ENPP1: variants seen among roughly 807,000 people sequenced by gnomAD.
ENPP1 encodes ectonucleotide pyrophosphatase/phosphodiesterase 1, also known as ectonucleotide pyrophosphatase/phosphodiesterase family member 1.
Under a neutral mutation model 122.8 loss-of-function variants are expected in ENPP1, and 73 were observed. That is an observed-to-expected ratio of 0.59 (90% confidence interval 0.49 to 0.72). The LOEUF (loss-of-function observed/expected upper bound fraction) is 0.72. Among genes scored for constraint, ENPP1 ranks in the 30% least tolerant of loss-of-function variants. ENPP1 has a pLI of 0.00. For synonymous variants in ENPP1, 367 were observed against 391.6 expected (o/e 0.94, Z 0.74); for missense variants, 978 against 1,128.1 (o/e 0.87, Z 1.91).
intron 1 of ENPP1, among the ~76,000 whole-genome samples, chr6:131,836,495 T>C (rs1271709641): frequency 6.6e-6 from 1 of 152,144 alleles, no homozygotes; most frequent in Non-Finnish European, 1.5e-5. Flanking sequence ...AAAATCTTAT[T>C]GTTCTCTTTA....
At chr6:131,878,010 A>G (rs886739155) in intron 18 of ENPP1, among the ~76,000 whole-genome samples, 2 of 150,750 alleles carry the variant, frequency 1.3e-5, no homozygotes, top group African/African-American at 4.9e-5. Flanking sequence ...CAGCAATCAT[A>G]TTCTTATTTT....
At position 131,869,340 on chromosome 6, in the gene ENPP1, ATT is replaced by A. The variant is rs149287352; in HGVS notation, c.1274-9_1274-8del. 16 of 1,540,640 alleles carry A rather than the reference ATT, an allele frequency of 1.0e-5. No individual in the cohort carries two copies. Among genetic ancestry groups the A allele is most frequent in the Non-Finnish European group, 8.9e-6 (10 of 1,123,810 alleles). ...TGTTAAAGTTACAGCATGTTTTGGG[ATT>A]TTTTTTTTCTCCTAGGCATGGAACA... On this transcript the variant is annotated splice_polypyrimidine_tract_variant and intron_variant, in intron 12 of 24. Transcript: ENST00000647893.
chr6:131,818,174 A>G (rs1213636510), intron 1 of ENPP1, among the ~76,000 whole-genome samples: 1 of 151,970 alleles, frequency 6.6e-6, no homozygotes, highest in Non-Finnish European at 1.5e-5. Context: ...TTAAGACATT[A>G]TTTGCCCTTT....
Position 131,851,208 on chromosome 6 carries a change from G to T in ENPP1, c.497G>T (p.Cys166Phe). Residue 166 changes from cysteine to phenylalanine, a missense_variant, in exon 4 of 25, where the codon TGT becomes TTT. Physicochemically the swap from Cys to Phe is radical, Grantham distance 205. Around this residue, in one of 3 missense-constraint regions of ENPP1, gnomAD observed 330 missense variants for 328.5 expected, o/e 1.00. Transcript: ENST00000647893. ...EKRLTRSLCA[C>F]SDDCKDKGDC... is the part of the protein sequence containing the mutation. Reference sequence around the variant, plus strand: ...AGGTTGACCAGAAGCCTCTGTGCCTGTTCAGATGACTGCAAGGACAAGGGC... The same window carrying T: ...AGGTTGACCAGAAGCCTCTGTGCCTTTTCAGATGACTGCAAGGACAAGGGC... 6.2e-7 allele frequency: 1 copy of T among 1,614,096 alleles called. No homozygotes were observed. Among genetic ancestry groups the T allele is most frequent in the Non-Finnish European group, 8.5e-7 (1 of 1,179,962 alleles).
intron 1 of ENPP1, among the ~76,000 whole-genome samples, chr6:131,821,113 A>C (rs1177452035): frequency 2.6e-5 from 4 of 152,194 alleles, no homozygotes; most frequent in Admixed American, 6.5e-5. Context: ...CTGACATATC[A>C]GCATTATCCT....
At chr6:131,845,062 T>G (rs960013465) in intron 1 of ENPP1, among the ~76,000 whole-genome samples, 2 of 140,292 alleles carry the variant, frequency 1.4e-5, no homozygotes, top group South Asian at 2.4e-4. Flanking sequence ...TTTTTTTTTT[T>G]TTTTTTTTTT....
At chr6:131,878,058 CTT>C (rs1782258037) in intron 18 of ENPP1, among the ~76,000 whole-genome samples, 1 of 151,314 alleles carries the variant, frequency 6.6e-6, no homozygotes, top group African/African-American at 2.4e-5. Flanking sequence ...ACAATTTTGT[CTT>C]TTGCAACTGT....
chr6:131,818,141 G>T lies in ENPP1; in HGVS notation c.240+9866G>T, dbSNP rs963018074. Among the ~76,000 whole-genome samples the T allele has an allele frequency of 2.0e-5, 3 of 152,194 alleles. No homozygotes were observed. In the East Asian group the frequency reaches 5.8e-4, roughly 29 times the overall value. ...ATGCTCTCTTATGGTTAGAGAGAGAGAATTGAAAAGAAACTCAGTAGATTA... is the reference window on the plus strand; with the variant it reads ...ATGCTCTCTTATGGTTAGAGAGAGATAATTGAAAAGAAACTCAGTAGATTA... On this transcript the variant is annotated intron_variant, in intron 1 of 24. Transcript: ENST00000647893.
intron 12 of ENPP1, among the ~76,000 whole-genome samples, chr6:131,868,842 G>C (rs994325135): frequency 5.3e-5 from 8 of 152,190 alleles, no homozygotes; most frequent in Non-Finnish European, 1.2e-4. Context: ...ACACGCTTGT[G>C]TACAGTTTGG....
At chr6:131,826,720 C>A (rs1326216223) in intron 1 of ENPP1, 2 of 535,212 alleles carry the variant, frequency 3.7e-6, no homozygotes, top group South Asian at 2.0e-5. Context: ...GGCAAGAGGT[C>A]TGCAATGACT....
intron 2 of ENPP1, among the ~76,000 whole-genome samples, chr6:131,848,820 G>T (rs1168166401): frequency 6.6e-6 from 1 of 152,056 alleles, no homozygotes; most frequent in Non-Finnish European, 1.5e-5. Context: ...TATTCCAATA[G>T]ACTTCCCTGA....
Position 131,811,374 on chromosome 6 carries a change from C to A in ENPP1, c.240+3099C>A, listed in dbSNP as rs5880083. 1.4e-3 allele frequency among the ~76,000 whole-genome samples: 124 copies of A among 86,966 alleles called. 1 individual carries two copies. Among genetic ancestry groups the A allele is most frequent in the Middle Eastern group, 0.014 (2 of 140 alleles). 57.1% of individuals were successfully genotyped at this position (86,966 alleles called of 152,430 possible). ...AAAAAACATATATCTATATCTATAT[C>A]TATATATCTATATCTATATCTATAT... On this transcript the variant is annotated intron_variant, in intron 1 of 24. Transcript: ENST00000647893.
chr6:131,823,699 CTG>C (rs1781508870), intron 1 of ENPP1, among the ~76,000 whole-genome samples: 1 of 151,812 alleles, frequency 6.6e-6, no homozygotes, highest in Non-Finnish European at 1.5e-5. Context: ...CCCCATCTCC[CTG>C]TCCCAGAACC....
intron 13 of ENPP1, among the ~76,000 whole-genome samples, chr6:131,870,112 GA>G (rs1554204114): frequency 6.6e-6 from 1 of 151,964 alleles, no homozygotes; most frequent in Non-Finnish European, 1.5e-5. Context: ...GATTATACTA[GA>G]AAAAATGTTT....
chr6:131,879,740 C>T (rs911806079), intron 19 of ENPP1, 140 bp from the exon 20 acceptor site: 4 of 740,702 alleles, frequency 5.4e-6, no homozygotes, highest in East Asian at 2.7e-5. Flanking sequence ...ATGCTTCTAC[C>T]CTTTGTAATC....
chr6:131,827,081 G>T, intron 1 of ENPP1: 1 of 644,924 alleles, frequency 1.6e-6, no homozygotes, highest in Non-Finnish European at 2.9e-6. Flanking sequence ...TCTGCTCCAG[G>T]CTTAGCACCT....
intron 1 of ENPP1, chr6:131,826,257 G>C: frequency 9.4e-7 from 1 of 1,064,670 alleles, no homozygotes; most frequent in Non-Finnish European, 1.5e-6. Context: ...TCTCACTGTT[G>C]TTGTTGGTTA....
At chr6:131,827,497 C>A in intron 1 of ENPP1, 2 of 628,742 alleles carry the variant, frequency 3.2e-6, no homozygotes, top group Non-Finnish European at 5.8e-6. Flanking sequence ...AAGATTTCTG[C>A]GAAGGAATAG....
intron 1 of ENPP1, among the ~76,000 whole-genome samples, chr6:131,829,070 C>T (rs1029088356): frequency 1.3e-5 from 2 of 152,244 alleles, no homozygotes; most frequent in African/African-American, 4.8e-5. Context: ...TCATCTCTGA[C>T]CCACTATCTG....
Sources: gnomAD v4.1 joint callset for allele counts (sites outside exome capture counted in the v4.1 genomes callset) on GRCh38, gnomAD v4.1.1 for gene constraint, gnomAD v4.1.1 regional missense constraint, MANE v1.5 for transcripts, NCBI Gene and HGNC (gene_info 2026-07-23, HGNC 2026-07-21) for gene names.